The following EZH1 variants were observed in gnomAD, a reference collection of about 807,000 sequenced individuals.
EZH1 encodes enhancer of zeste 1 polycomb repressive complex 2 subunit.
EZH1 carries 33 observed loss-of-function variants against 100.5 expected under a neutral mutation model. The ratio of observed to expected loss-of-function variants is 0.33; its 90% CI spans 0.25 to 0.44. EZH1 has a LOEUF of 0.44. Ranked by LOEUF, EZH1 falls within the 20% of genes least tolerant of loss-of-function variation. EZH1 has a pLI of 1.00. For missense variants in EZH1, 475 were observed against 928.4 expected (o/e 0.51, Z 6.35); for synonymous variants, 272 against 313.8 (o/e 0.87, Z 1.41).
At chr17:42,714,877 T>C (rs1041665637) in intron 10 of EZH1, among the ~76,000 whole-genome samples, 1 of 138,626 alleles carries the variant, frequency 7.2e-6, no homozygotes, top group Non-Finnish European at 1.5e-5. Context: ...TTTTATATAT[T>C]ATATATATAA....
At chr17:42,726,213 C>CTTTT (rs1242560610) in intron 4 of EZH1, among the ~76,000 whole-genome samples, 5 of 88,534 alleles carry the variant, frequency 5.6e-5, no homozygotes, top group Admixed American at 2.3e-4. Context: ...GAGACAGTCT[C>CTTTT]TTTTTTTTTT....
chr17:42,730,975 T>G, intron 1 of EZH1, 57 bp from the exon 2 acceptor site: 8 of 762,714 alleles, frequency 1.0e-5, no homozygotes, highest in Non-Finnish European at 1.3e-5. Context: ...AGTTAGACCC[T>G]GACACCCTCA....
At chr17:42,703,856 G>T in intron 18 of EZH1, 36 bp from the exon 19 acceptor site, 1 of 1,437,110 alleles carries the variant, frequency 7.0e-7, no homozygotes, top group Non-Finnish European at 9.8e-7. Context: ...CATAAGCACA[G>T]CAGGCAATTC....
intron 10 of EZH1, among the ~76,000 whole-genome samples, 176 bp from the exon 11 acceptor site, chr17:42,713,565 C>T (rs1238847573): frequency 6.6e-6 from 1 of 152,114 alleles, no homozygotes; most frequent in Non-Finnish European, 1.5e-5. Flanking sequence ...ACAAAACTTA[C>T]GTACTTTTTC....
chr17:42,719,127 C>G lies in EZH1; in HGVS notation c.745G>C (p.Val249Leu). ...TACCTCTCCTTCATGTCATCTGGGACACCATTCTCAGGGAACATTGAGGCA... is the reference window on the plus strand; with the variant it reads ...TACCTCTCCTTCATGTCATCTGGGAGACCATTCTCAGGGAACATTGAGGCA... ...AIASMFPENG[V>L]PDDMKERYRE... Residue 249 changes from valine (V) to leucine (L), a missense_variant, in exon 8 of 21, where the codon GTC becomes CTC. Val to Leu is a conservative substitution (Grantham distance 32). Transcript: ENST00000428826. 6.2e-7 allele frequency: 1 copy of G among 1,613,852 alleles called. No homozygotes were observed. Among genetic ancestry groups the G allele is most frequent in the Non-Finnish European group, 8.5e-7 (1 of 1,179,790 alleles).
intron 1 of EZH1, among the ~76,000 whole-genome samples, 162 bp downstream of exon 1, chr17:42,744,849 G>C (rs2054250497): frequency 6.6e-6 from 1 of 151,374 alleles, no homozygotes. Context: ...CCCCACCCTC[G>C]GAATGAGGAG....
chr17:42,727,729 T>C lies in EZH1; in HGVS notation c.152A>G (p.Glu51Gly). The part of the protein sequence containing the change: ...LYVANFAKVQ[E>G]KTQILNEEWK... ...TTCTTCATTGAGGATCTGGGTTTTT[T>C]CTTGAACCTTTGCAAAATTTGCCAC... Residue 51 changes from glutamate to glycine, a missense_variant, in exon 4 of 21, where the codon GAA (glutamate) becomes GGA (glycine). Glu to Gly is a moderately conservative substitution (Grantham distance 98, BLOSUM62 -2). Around this residue, in one of 8 missense-constraint regions of EZH1, gnomAD observed 105 missense variants for 129.8 expected, o/e 0.81. Coordinates refer to ENST00000428826, the MANE Select transcript of EZH1 (RefSeq NM_001991.5). 1.2e-6 allele frequency: 2 copies of C among 1,606,198 alleles called. No individual in the cohort carries two copies. The highest frequency in any genetic ancestry group is 1.7e-6 in the Non-Finnish European group (2 of 1,177,500).
At chr17:42,728,758 T>C in intron 3 of EZH1, 67 bp downstream of exon 3, 1 of 1,503,676 alleles carries the variant, frequency 6.7e-7, no homozygotes, top group Non-Finnish European at 8.9e-7. Context: ...AAAAAAAAAT[T>C]CCAACCCCTT....
chr17:42,738,323 T>A (rs1481910828), intron 1 of EZH1, among the ~76,000 whole-genome samples: 1 of 152,022 alleles, frequency 6.6e-6, no homozygotes, highest in Non-Finnish European at 1.5e-5. Context: ...TAGGGGCAAA[T>A]TCAGTGTCTT....
chr17:42,709,799 G>C, intron 13 of EZH1, 47 bp downstream of exon 13: 1 of 1,579,064 alleles, frequency 6.3e-7, no homozygotes, highest in Non-Finnish European at 8.7e-7. Context: ...CAGAGCACAG[G>C]GAACAGCCTG....
At chr17:42,724,283 C>T (rs1331635408) in intron 5 of EZH1, 22 bp downstream of exon 5, 1 of 1,612,660 alleles carries the variant, frequency 6.2e-7, no homozygotes, top group Non-Finnish European at 8.5e-7. Context: ...TAAATAACCA[C>T]CACAGTGCTT....
At chr17:42,740,078 T>C (rs2054147816) in intron 1 of EZH1, among the ~76,000 whole-genome samples, 1 of 152,062 alleles carries the variant, frequency 6.6e-6, no homozygotes, top group East Asian at 1.9e-4. Flanking sequence ...TATTTTGTTT[T>C]TTGAGAAAGG....
At chr17:42,711,890 A>AGCAGCAGCT (rs3067937) in intron 12 of EZH1, among the ~76,000 whole-genome samples, 1 of 151,230 alleles carries the variant, frequency 6.6e-6, no homozygotes, top group Admixed American at 6.6e-5. Context: ...TGGTGGAGGG[A>AGCAGCAGCT]GCAGCAGCTG....
chr17:42,716,047 CAAAAAAAA>C (rs35668797), intron 10 of EZH1, among the ~76,000 whole-genome samples: 30 of 70,712 alleles, frequency 4.2e-4, no homozygotes, highest in African/African-American at 1.5e-3. Context: ...AACTCTGTCT[CAAAAAAAA>C]AAAAAAAAAG....
At chr17:42,721,481 G>T (rs1277300391) in intron 6 of EZH1, among the ~76,000 whole-genome samples, 1 of 152,082 alleles carries the variant, frequency 6.6e-6, no homozygotes, top group Non-Finnish European at 1.5e-5. Context: ...GAGAAATAAA[G>T]AACAAAATGG....
Position 42,718,917 on chromosome 17 carries a change from A to G in EZH1, c.767+188T>C, listed in dbSNP as rs2143789845. ...TGCCCAGACTCACTCAAAAGCCAGTATACGATGACCCTTAATATAGTAAGG... is the reference window on the plus strand; with the variant it reads ...TGCCCAGACTCACTCAAAAGCCAGTGTACGATGACCCTTAATATAGTAAGG... On this transcript the variant is annotated intron_variant, in intron 8 of 20. Transcript: ENST00000428826. This position sits in a 1 kb window ranked among gnomAD's most constrained non-coding sequence, Gnocchi z 4.2. Among the ~76,000 whole-genome samples, 1 of 152,340 alleles carries G rather than the reference A, an allele frequency of 6.6e-6. No homozygotes were observed. Among genetic ancestry groups the G allele is most frequent in the Middle Eastern group, 3.4e-3 (1 of 294 alleles).
At chr17:42,713,137 TC>T in intron 11 of EZH1, 71 bp downstream of exon 11, 1 of 1,421,406 alleles carries the variant, frequency 7.0e-7, no homozygotes, top group Non-Finnish European at 9.7e-7. Context: ...AAGTTAAGTG[TC>T]AGGCAGTGAT....
Position 42,719,224 on chromosome 17 carries a change from A to C in EZH1, c.665-17T>G. The C allele has an allele frequency of 6.3e-7, 1 of 1,591,024 alleles. No individual in the cohort carries two copies. Among genetic ancestry groups the C allele is most frequent in the Non-Finnish European group, 8.6e-7 (1 of 1,159,404 alleles). On this transcript the variant is annotated splice_polypyrimidine_tract_variant and intron_variant, in intron 7 of 20. Transcript: ENST00000428826. ...TTTTGTTGCCTGAATTGGAAATGAT[A>C]AAAAGCTCCTGAGTGCGATTATCAG...
intron 1 of EZH1, among the ~76,000 whole-genome samples, chr17:42,744,154 G>A (rs543894325): frequency 6.6e-6 from 1 of 151,952 alleles, no homozygotes; most frequent in Admixed American, 6.6e-5. Context: ...CACATTCCAC[G>A]GGGGGCACTA....
Sources: allele counts gnomAD v4.1 joint callset (sites outside exome capture counted in the v4.1 genomes callset), GRCh38; gene constraint gnomAD v4.1.1; regional missense constraint gnomAD v4.1.1; non-coding constraint Gnocchi (gnomAD v3.1); transcripts MANE v1.5; gene names NCBI Gene and HGNC (gene_info 2026-07-23, HGNC 2026-07-21).